Variants in TSPEAR observed in about 807,000 individuals in gnomAD.
TSPEAR encodes thrombospondin type laminin G domain and EAR repeats.
TSPEAR carries 69 observed loss-of-function variants against 71.6 expected under a neutral mutation model. The ratio of observed to expected loss-of-function variants is 0.96; its 90% CI spans 0.79 to 1.18. TSPEAR has a LOEUF of 1.18. Ranked by LOEUF, TSPEAR falls within the 50% of genes most tolerant of loss-of-function variation. The pLI, the probability that TSPEAR is intolerant of heterozygous loss-of-function variation, is 0.00. For missense variants in TSPEAR, 971 were observed against 894.9 expected (o/e 1.09, Z -1.09); for synonymous variants, 402 against 387.2 (o/e 1.04, Z -0.45).
At chr21:44,658,349 C>T (rs1985292851) in intron 1 of TSPEAR, 1 of 1,381,220 alleles carries the variant, frequency 7.2e-7, no homozygotes, top group Non-Finnish European at 1.0e-6. Context: ...AGATTGCACA[C>T]ATAGGGCAGA....
rs114339523 is a variant in TSPEAR at position 44,667,116 on chromosome 21, T to C, written c.82+44317A>G. On this transcript the variant is annotated intron_variant, in intron 1 of 11. Coordinates refer to ENST00000323084, the MANE Select transcript of TSPEAR (RefSeq NM_144991.3). The stretch of plus-strand genomic sequence containing the variant: ...GACTAATTGCACCTTCTTCGAACTC[T>C]TGGTATGCTTGGAAACCTGCCAGAG... Among the ~76,000 whole-genome samples, 1,261 of 152,372 alleles carry C rather than the reference T, an allele frequency of 8.3e-3. 12 individuals are homozygous for C. Among genetic ancestry groups the C allele is most frequent in the African/African-American group, 0.028 (1,181 of 41,588 alleles).
rs142753832 is a variant in TSPEAR, at chr21:44,637,470, G to A, written c.83-69465C>T. On this transcript the variant is annotated intron_variant, in intron 1 of 11. Transcript: ENST00000323084. ...TCCAGCGCCTGCACTGACTCTTGGC[G>A]GGTAGTCGACTGCCCAGAGAGCTGC... 2.2e-4 allele frequency: 356 copies of A among 1,613,144 alleles called. 1 individual carries two copies. The African/African-American group carries it at 2.4e-3, about 11-fold the overall frequency.
chr21:44,692,087 G>C (rs1238740674), intron 1 of TSPEAR, among the ~76,000 whole-genome samples: 1 of 152,142 alleles, frequency 6.6e-6, no homozygotes, highest in African/African-American at 2.4e-5. Context: ...ACCACACGAA[G>C]AGAATGAAGT....
In TSPEAR at chr21:44,574,531, C is replaced by T. The variant is rs374302052; in HGVS notation, c.83-6526G>A. ...TGCTGCCAGCAGTCTAGCTGCCAGC[C>T]GGCTTGCTGCACCTCCTCTCCCTGC... On this transcript the variant is annotated intron_variant, in intron 1 of 11. Transcript: ENST00000323084. 14 of 1,609,388 alleles carry T rather than the reference C, an allele frequency of 8.7e-6. 1 individual carries two copies. In the East Asian group the frequency reaches 8.9e-5, roughly 10 times the overall value.
intron 1 of TSPEAR, among the ~76,000 whole-genome samples, chr21:44,657,245 T>C (rs1985205305): frequency 6.6e-6 from 1 of 152,244 alleles, no homozygotes; most frequent in Non-Finnish European, 1.5e-5. Flanking sequence ...CATTGCCCAC[T>C]GCTAGAATGC....
chr21:44,678,808 C>A (rs1382946351), intron 1 of TSPEAR, among the ~76,000 whole-genome samples: 1 of 152,118 alleles, frequency 6.6e-6, no homozygotes, highest in Non-Finnish European at 1.5e-5. Context: ...ATATAAAAAT[C>A]AGTAGTGTTT....
At chr21:44,559,345 AG>A (rs1555920627) in intron 2 of TSPEAR, among the ~76,000 whole-genome samples, 2 of 152,198 alleles carry the variant, frequency 1.3e-5, no homozygotes, top group African/African-American at 4.8e-5. Flanking sequence ...GTGAGGGAAT[AG>A]TGTCTTCCTG....
At chr21:44,576,409 G>A (rs1301164376) in intron 1 of TSPEAR, among the ~76,000 whole-genome samples, 15 of 147,282 alleles carry the variant, frequency 1.0e-4, no homozygotes, top group African/African-American at 2.8e-4. Context: ...CCCAGGGTGG[G>A]TGAGGGGGCA....
chr21:44,609,891 G>A (rs1981546901), intron 1 of TSPEAR, among the ~76,000 whole-genome samples: 1 of 152,102 alleles, frequency 6.6e-6, no homozygotes, highest in South Asian at 2.1e-4. Context: ...ACTTTTCACG[G>A]GCCTGGTGAT....
chr21:44,619,606 A>C (rs1407951626), intron 1 of TSPEAR, among the ~76,000 whole-genome samples: 1 of 152,280 alleles, frequency 6.6e-6, no homozygotes, highest in East Asian at 1.9e-4. Flanking sequence ...CAATGAATTA[A>C]GATAAACCAG....
intron 1 of TSPEAR, chr21:44,702,265 G>T (rs1987686201): frequency 1.2e-6 from 2 of 1,606,758 alleles, no homozygotes; most frequent in African/African-American, 2.7e-5. Flanking sequence ...CGACTGCCCG[G>T]AGAGCTGCTG....
intron 1 of TSPEAR, among the ~76,000 whole-genome samples, chr21:44,639,103 C>A (rs1253914450): frequency 2.0e-5 from 3 of 152,144 alleles, no homozygotes; most frequent in African/African-American, 7.2e-5. Context: ...AGCCTGCGGG[C>A]CCCCCTGCCC....
At chr21:44,588,533 C>A (rs1189988218) in intron 1 of TSPEAR, among the ~76,000 whole-genome samples, 8 of 151,916 alleles carry the variant, frequency 5.3e-5, no homozygotes, top group Non-Finnish European at 1.2e-4. Flanking sequence ...TGGGTATCTA[C>A]CCGGAGGAAA....
At chr21:44,605,972 G>A (rs1981278376) in intron 1 of TSPEAR, among the ~76,000 whole-genome samples, 1 of 151,880 alleles carries the variant, frequency 6.6e-6, no homozygotes, top group African/African-American at 2.4e-5. Flanking sequence ...AAACGAAAAA[G>A]CTGTACAGCC....
At chr21:44,628,180 G>C in intron 1 of TSPEAR, 9 of 1,195,916 alleles carry the variant, frequency 7.5e-6, no homozygotes, top group Non-Finnish European at 1.1e-5. Flanking sequence ...GCCCAGCCCC[G>C]GGGTCTCAGA....
At chr21:44,589,161 TA>T (rs1979575720) in intron 1 of TSPEAR, among the ~76,000 whole-genome samples, 2 of 152,156 alleles carry the variant, frequency 1.3e-5, no homozygotes, top group African/African-American at 4.8e-5. Context: ...AAATATAAAA[TA>T]AAAATAAAAA....
chr21:44,530,068 A>T (rs2052936543), intron 4 of TSPEAR, 114 bp from the exon 5 acceptor site: 1 of 1,129,882 alleles, frequency 8.9e-7, no homozygotes, highest in African/African-American at 1.6e-5. Context: ...GGTGGATGGA[A>T]TCTAAGCTTT....
chr21:44,651,631 T>G (rs1984799079), intron 1 of TSPEAR, among the ~76,000 whole-genome samples: 2 of 152,144 alleles, frequency 1.3e-5, no homozygotes. Context: ...CTCCTTCTGA[T>G]AAGGACCCTG....
chr21:44,575,160 T>A, intron 1 of TSPEAR: 1 of 878,416 alleles, frequency 1.1e-6, no homozygotes, highest in Non-Finnish European at 1.7e-6. Flanking sequence ...ACTGAAAGTC[T>A]ATACTCAATG....
Sources: gnomAD v4.1 joint callset for allele counts (sites outside exome capture counted in the v4.1 genomes callset) on GRCh38, gnomAD v4.1.1 for gene constraint, MANE v1.5 for transcripts, NCBI Gene and HGNC (gene_info 2026-07-23, HGNC 2026-07-21) for gene names.